SPPL2A: variants seen among roughly 807,000 people sequenced by gnomAD.
SPPL2A encodes signal peptide peptidase-like 2A.
In SPPL2A, 51 loss-of-function variants were observed where a neutral mutation model predicts 63.8. The observed-to-expected ratio is 0.80, with a 90% confidence interval of 0.64 to 1.01. The LOEUF is 1.01. Among genes scored for constraint, SPPL2A ranks in the 50% least tolerant of loss-of-function variants. SPPL2A has a pLI of 0.00. For missense variants in SPPL2A, 553 were observed against 622.7 expected, an observed-to-expected ratio of 0.89 and a Z score of 1.19; for synonymous variants, 188 against 205.8, an observed-to-expected ratio of 0.91 and a Z score of 0.74.
chr15:50,756,642 T>C lies in SPPL2A; in HGVS notation c.67-6896A>G, dbSNP rs563093793. Among the ~76,000 whole-genome samples, 375 of 152,212 alleles carry C rather than the reference T, an allele frequency of 2.5e-3. 2 individuals are homozygous for C. The highest frequency in any genetic ancestry group is 4.3e-3 in the Non-Finnish European group (291 of 68,012). ...GGCTCATACCTGGAATCCCAGCACA[T>C]TGGGAAGCTGAGGTGGGAAGATCGC... On this transcript the variant is annotated intron_variant, in intron 1 of 14. Transcript: ENST00000261854.
At position 50,720,065 on chromosome 15, in the gene SPPL2A, GAAC is replaced by G. The variant is rs1234874571; in HGVS notation, c.1360_1362del (p.Val454del). On this transcript the variant is annotated inframe_deletion, in exon 14 of 15. Transcript: ENST00000261854. ...GGTTGCCCCTTTTTCATCAGCACCA[GAAC>G]AACAAATGTAAGTATCATGCCAATA... is the stretch of plus-strand genomic sequence containing the variant. 4 of 1,613,390 alleles carry G rather than the reference GAAC, an allele frequency of 2.5e-6. No homozygotes were observed. Among genetic ancestry groups the G allele is most frequent in the Non-Finnish European group, 2.5e-6 (3 of 1,179,804 alleles).
At chr15:50,732,452 C>T in intron 9 of SPPL2A, 151 bp downstream of exon 9, 1 of 559,138 alleles carries the variant, frequency 1.8e-6, no homozygotes, top group Non-Finnish European at 3.2e-6. Flanking sequence ...TACAACTTCA[C>T]TGGGATAGTG....
intron 14 of SPPL2A, among the ~76,000 whole-genome samples, chr15:50,710,324 C>G (rs1377369468): frequency 6.6e-6 from 1 of 152,164 alleles, no homozygotes; most frequent in East Asian, 1.9e-4. Context: ...TTTCCTAATC[C>G]CCAGGTACCT....
At chr15:50,710,654 T>C (rs1678441257) in intron 14 of SPPL2A, among the ~76,000 whole-genome samples, 1 of 152,216 alleles carries the variant, frequency 6.6e-6, no homozygotes, top group Admixed American at 6.5e-5. Context: ...TGCTTGCTTA[T>C]AATTGAACCA....
chr15:50,732,901 G>T (rs2062741993), intron 8 of SPPL2A, among the ~76,000 whole-genome samples: 1 of 151,576 alleles, frequency 6.6e-6, no homozygotes, highest in Non-Finnish European at 1.5e-5. Context: ...TGATTTTCAT[G>T]TCTCAGCTTC....
At chr15:50,729,668 G>GA (rs761361527) in intron 10 of SPPL2A, among the ~76,000 whole-genome samples, 8 of 148,878 alleles carry the variant, frequency 5.4e-5, no homozygotes, top group South Asian at 4.3e-4. Context: ...CAAAGAAGAG[G>GA]AAAAAAAAAA....
chr15:50,731,044 CAAAG>C lies in SPPL2A; in HGVS notation c.1015-9_1015-6del. The C allele has an allele frequency of 7.1e-7, 1 of 1,409,180 alleles. No individual in the cohort carries two copies. The highest frequency in any genetic ancestry group is 9.9e-7 in the Non-Finnish European group (1 of 1,006,480). The allele number at this position is 1,409,180 out of a possible 1,614,324, so 87.3% of individuals were successfully genotyped here. A position where few individuals can be genotyped will look rare whatever the true frequency, so the allele number is the denominator to read the frequency against. ...GCCTAGAAGTATCACACATGACTGT[CAAAG>C]AAAGAAACAAAATTAAAGGTCAATC... is the stretch of plus-strand genomic sequence containing the variant. On this transcript the variant is annotated splice_polypyrimidine_tract_variant and splice_region_variant and intron_variant, in intron 9 of 14. Coordinates refer to ENST00000261854, the MANE Select transcript of SPPL2A (RefSeq NM_032802.4).
intron 5 of SPPL2A, among the ~76,000 whole-genome samples, chr15:50,741,279 G>C (rs1368309608): frequency 6.6e-6 from 1 of 150,918 alleles, no homozygotes; most frequent in Non-Finnish European, 1.5e-5. Flanking sequence ...GGCCCTGCTT[G>C]TTAGGTCTGG....
chr15:50,751,817 T>C lies in SPPL2A; in HGVS notation c.67-2071A>G, dbSNP rs924906458. ...TACCCTTACTGGCTAGTATCCTTTG[T>C]TTTTTTCTTTTGTTTGTTTTTTTGT... On this transcript the variant is annotated intron_variant, in intron 1 of 14. Transcript: ENST00000261854. Among the ~76,000 whole-genome samples the C allele has an allele frequency of 2.6e-5, 4 of 152,058 alleles. 1 individual carries two copies. The South Asian group carries it at 8.3e-4, about 32-fold the overall frequency.
intron 1 of SPPL2A, among the ~76,000 whole-genome samples, chr15:50,755,654 A>AAG (rs2062951618): frequency 7.2e-6 from 1 of 139,812 alleles, no homozygotes; most frequent in Non-Finnish European, 1.5e-5. Context: ...AAAAAAAAAA[A>AAG]AAGAAGAAAA....
At chr15:50,737,617 TA>T (rs1030405449) in intron 6 of SPPL2A, among the ~76,000 whole-genome samples, 1 of 152,022 alleles carries the variant, frequency 6.6e-6, no homozygotes, top group Non-Finnish European at 1.5e-5. Context: ...CATGCCCAGC[TA>T]ATTTTTGTAT....
At position 50,739,705 on chromosome 15, in the gene SPPL2A, T is replaced by C; in HGVS notation, c.708A>G (p.Leu236=). 1 of 1,592,306 alleles carries C rather than the reference T, an allele frequency of 6.3e-7. No homozygotes were observed. Among genetic ancestry groups the C allele is most frequent in the Non-Finnish European group, 8.5e-7 (1 of 1,173,106 alleles). Residue 236 remains leucine (L), a synonymous_variant, in exon 6 of 15, where the codon TTA becomes TTG. Coordinates refer to ENST00000261854, the MANE Select transcript of SPPL2A (RefSeq NM_032802.4). ...CCAACCATTTGTAGAAGAAATAAAG[T>C]AAGACCATCATAACACAGCAGATGA... ...FVVICCVMMV[L]LYFFYKWLVY...
chr15:50,756,285 T>C (rs1457754264), intron 1 of SPPL2A, among the ~76,000 whole-genome samples: 2 of 141,254 alleles, frequency 1.4e-5, no homozygotes, highest in African/African-American at 5.3e-5. Flanking sequence ...GGCGTGAATC[T>C]GGGAGGCGGA....
At chr15:50,709,866 T>C (rs2062543149) in intron 14 of SPPL2A, among the ~76,000 whole-genome samples, 1 of 152,176 alleles carries the variant, frequency 6.6e-6, no homozygotes, top group East Asian at 1.9e-4. Flanking sequence ...AAAACCATTT[T>C]GAGGTCTTCT....
rs1336584395 is a variant in SPPL2A, at chr15:50,705,568, T to G, written c.*2232A>C. 2 of 152,258 alleles carry G rather than the reference T, an allele frequency of 1.3e-5. No homozygotes were observed. Among genetic ancestry groups the G allele is most frequent in the African/African-American group, 4.8e-5 (2 of 41,568 alleles). The allele number at this position is 152,258 out of a possible 1,614,324, so 9.4% of individuals were successfully genotyped here. A position where few individuals can be genotyped will look rare whatever the true frequency, so the allele number is the denominator to read the frequency against. On this transcript the variant is annotated 3_prime_UTR_variant, in exon 15 of 15. Coordinates refer to ENST00000261854, the MANE Select transcript of SPPL2A (RefSeq NM_032802.4). ...GTTCTCTCTCTCAGAGTCTGCCAAA[T>G]AAATCAGATTTCTTGGAAAATATTC...
intron 6 of SPPL2A, among the ~76,000 whole-genome samples, chr15:50,737,068 C>G (rs929746174): frequency 6.6e-6 from 1 of 152,096 alleles, no homozygotes; most frequent in Non-Finnish European, 1.5e-5. Flanking sequence ...CATGCGCCAC[C>G]ATACCCAGCC....
At chr15:50,723,926 T>A (rs2062666625) in intron 12 of SPPL2A, among the ~76,000 whole-genome samples, 1 of 152,186 alleles carries the variant, frequency 6.6e-6, no homozygotes, top group Non-Finnish European at 1.5e-5. Flanking sequence ...GGAGAAATAT[T>A]TTTGTTTTAG....
rs1182126856 is a variant in SPPL2A, at chr15:50,706,209, G to A, written c.*1591C>T. On this transcript the variant is annotated 3_prime_UTR_variant, in exon 15 of 15. Coordinates refer to ENST00000261854, the MANE Select transcript of SPPL2A (RefSeq NM_032802.4). Reference sequence around the variant, plus strand: ...GATCGAGACCATCCCGGCTAAAACGGTGAAACCCCGTCTCTACTAAAACTA... The same window carrying A: ...GATCGAGACCATCCCGGCTAAAACGATGAAACCCCGTCTCTACTAAAACTA... The A allele has an allele frequency of 6.6e-6, 1 of 151,422 alleles. No homozygotes were observed. The allele number at this position is 151,422 out of a possible 1,614,324, so 9.4% of individuals were successfully genotyped here.
Position 50,731,055 on chromosome 15 carries a change from A to T in SPPL2A, c.1015-16T>A. The stretch of plus-strand genomic sequence containing the variant: ...TCACACATGACTGTCAAAGAAAGAA[A>T]CAAAATTAAAGGTCAATCTTCCTAA... On this transcript the variant is annotated splice_polypyrimidine_tract_variant and intron_variant, in intron 9 of 14. Coordinates refer to ENST00000261854, the MANE Select transcript of SPPL2A (RefSeq NM_032802.4). 1 of 1,236,514 alleles carries T rather than the reference A, an allele frequency of 8.1e-7. No individual in the cohort carries two copies. Among genetic ancestry groups the T allele is most frequent in the Non-Finnish European group, 1.2e-6 (1 of 850,516 alleles). 76.6% of individuals were successfully genotyped at this position (1,236,514 alleles called of 1,614,324 possible).
Sources: allele counts gnomAD v4.1 joint callset (sites outside exome capture counted in the v4.1 genomes callset), GRCh38; gene constraint gnomAD v4.1.1; transcripts MANE v1.5; gene names NCBI Gene and HGNC (gene_info 2026-07-23, HGNC 2026-07-21).